The following GSAP variants were observed in gnomAD, a reference collection of about 807,000 sequenced individuals.
GSAP encodes the protein gamma-secretase-activating protein.
GSAP carries 118 observed loss-of-function variants against 131.7 expected under a neutral mutation model. That is an observed-to-expected ratio of 0.90 (90% confidence interval 0.77 to 1.04). The LOEUF (loss-of-function observed/expected upper bound fraction) is 1.04, where lower values mean the gene tolerates loss of function less well. Ranked by LOEUF, GSAP falls within the 50% of genes least tolerant of loss-of-function variation. The pLI is 0.00. For synonymous variants in GSAP, 381 were observed against 363.4 expected (o/e 1.05, Z -0.55); for missense variants, 1,019 against 1,013.2 (o/e 1.01, Z -0.08).
intron 12 of GSAP, among the ~76,000 whole-genome samples, chr7:77,368,471 C>A (rs1042588132): frequency 5.3e-5 from 8 of 152,134 alleles, no homozygotes; most frequent in African/African-American, 1.9e-4. Context: ...GGTTCTTAAC[C>A]CTGACAGCAC....
chr7:77,384,470 T>C (rs1282035563), intron 6 of GSAP, among the ~76,000 whole-genome samples: 1 of 152,206 alleles, frequency 6.6e-6, no homozygotes, highest in Non-Finnish European at 1.5e-5. Flanking sequence ...ATTTTTTTTG[T>C]ATTGTAAGTA....
chr7:77,328,474 A>G, intron 22 of GSAP, 132 bp downstream of exon 22: 1 of 1,426,462 alleles, frequency 7.0e-7, no homozygotes, highest in Non-Finnish European at 9.2e-7. Flanking sequence ...TAACAGCAAG[A>G]TATTAAAAGG....
chr7:77,349,539 C>A, intron 18 of GSAP, 135 bp from the exon 19 acceptor site: 1 of 659,824 alleles, frequency 1.5e-6, no homozygotes, highest in Non-Finnish European at 2.7e-6. Flanking sequence ...TTTAAATAAA[C>A]CTTGGAGGGC....
chr7:77,407,470 T>G (rs1008567030), intron 1 of GSAP, among the ~76,000 whole-genome samples: 1 of 152,216 alleles, frequency 6.6e-6, no homozygotes, highest in East Asian at 1.9e-4. Flanking sequence ...CATATTGGGT[T>G]GATATTTATC....
chr7:77,401,243 C>T (rs978254140), intron 3 of GSAP, among the ~76,000 whole-genome samples: 3 of 151,884 alleles, frequency 2.0e-5, no homozygotes, highest in African/African-American at 2.4e-5. Flanking sequence ...ATTCAATAAG[C>T]GGAGTAAACC....
intron 18 of GSAP, 100 bp downstream of exon 18, chr7:77,352,844 T>C (rs1397785085): frequency 7.4e-6 from 5 of 673,944 alleles, no homozygotes; most frequent in Non-Finnish European, 1.3e-5. Flanking sequence ...AAAACAGTAG[T>C]GAAATCACGA....
intron 12 of GSAP, among the ~76,000 whole-genome samples, chr7:77,372,265 G>A (rs1796240629): frequency 6.6e-6 from 1 of 152,206 alleles, no homozygotes; most frequent in South Asian, 2.1e-4. Flanking sequence ...GAAAGGCAGG[G>A]AGTAGGACAT....
chr7:77,382,506 C>T lies in GSAP; in HGVS notation c.526+68G>A, dbSNP rs1797947074. The T allele has an allele frequency of 1.8e-5, 15 of 825,134 alleles. No homozygotes were observed. In the Admixed American group the frequency reaches 2.7e-4, roughly 15 times the overall value. The allele number at this position is 825,134 out of a possible 1,614,324, so 51.1% of individuals were successfully genotyped here. ...CAGGTGGATATCTAGAAGATTCAAT[C>T]ATGTACCACACTAGGAGACGATATG... On this transcript the variant is annotated intron_variant, in intron 7 of 30. Transcript: ENST00000257626.
In GSAP at chr7:77,416,199, C is replaced by G. The variant is rs1407190988; in HGVS notation, c.109+14G>C. On this transcript the variant is annotated intron_variant, in intron 1 of 30. Transcript: ENST00000257626. ...TCCCCGCCCCCACCCCTCTCCGCAG[C>G]GCGCCTCCCGCACCTGCGCCGCCGC... 1.2e-5 allele frequency: 17 copies of G among 1,362,600 alleles called. No homozygotes were observed. The highest frequency in any genetic ancestry group is 1.5e-5 in the Non-Finnish European group (16 of 1,035,536). The allele number at this position is 1,362,600 out of a possible 1,614,324, so 84.4% of individuals were successfully genotyped here. A position where few individuals can be genotyped will look rare whatever the true frequency, so the allele number is the denominator to read the frequency against.
intron 22 of GSAP, among the ~76,000 whole-genome samples, chr7:77,327,867 T>C (rs1434713265): frequency 6.6e-6 from 1 of 152,118 alleles, no homozygotes; most frequent in Non-Finnish European, 1.5e-5. Flanking sequence ...TCCCCGCACC[T>C]ATGGATTATA....
At chr7:77,373,228 A>AAT (rs1796397011) in intron 12 of GSAP, among the ~76,000 whole-genome samples, 1 of 152,234 alleles carries the variant, frequency 6.6e-6, no homozygotes. Flanking sequence ...GCACTTATGT[A>AAT]ATGTCTAAAA....
At chr7:77,408,482 T>C (rs1802678895) in intron 1 of GSAP, among the ~76,000 whole-genome samples, 1 of 151,972 alleles carries the variant, frequency 6.6e-6, no homozygotes, top group South Asian at 2.1e-4. Flanking sequence ...ATGGATCACT[T>C]GAGGCCAGGA....
chr7:77,372,843 C>T lies in GSAP; in HGVS notation c.871+1227G>A, dbSNP rs183684324. Reference sequence around the variant, plus strand: ...ATAGCCTGGCCCCTGCCTGCCTCTCCAGCTTTCTCTCTCTCACTCACTCTA... The same window carrying T: ...ATAGCCTGGCCCCTGCCTGCCTCTCTAGCTTTCTCTCTCTCACTCACTCTA... On this transcript the variant is annotated intron_variant, in intron 12 of 30. Transcript: ENST00000257626. Among the ~76,000 whole-genome samples, 241 of 152,364 alleles carry T rather than the reference C, an allele frequency of 1.6e-3. 1 individual carries two copies. The highest frequency in any genetic ancestry group is 5.7e-3 in the African/African-American group (238 of 41,578).
chr7:77,374,041 A>G (rs1256244018), intron 12 of GSAP, 29 bp downstream of exon 12: 2 of 1,234,852 alleles, frequency 1.6e-6, no homozygotes, highest in Admixed American at 1.8e-5. Flanking sequence ...ATACGGTTGA[A>G]TAAATTGATA....
At chr7:77,334,580 T>TAAAA (rs57442782) in intron 19 of GSAP, among the ~76,000 whole-genome samples, 43 of 81,948 alleles carry the variant, frequency 5.2e-4, no homozygotes, top group African/African-American at 1.1e-3. Context: ...ACTTAAAATT[T>TAAAA]AAAAAAAAAA....
Position 77,375,112 on chromosome 7 carries a change from A to C in GSAP, c.742-11T>G, listed in dbSNP as rs1040435642. On this transcript the variant is annotated splice_polypyrimidine_tract_variant and intron_variant, in intron 10 of 30. Transcript: ENST00000257626. ...CAAGGGTACTTCAAACTGTCAAAAA[A>C]ATCAAAGAAAATGAACCCAAAATGA... is the stretch of plus-strand genomic sequence containing the variant. 3 of 1,537,414 alleles carry C rather than the reference A, an allele frequency of 2.0e-6. No homozygotes were observed. Among genetic ancestry groups the C allele is most frequent in the Non-Finnish European group, 2.7e-6 (3 of 1,118,444 alleles).
At chr7:77,331,872 G>C (rs949967709) in intron 19 of GSAP, 2 of 144,368 alleles carry the variant, frequency 1.4e-5, no homozygotes, top group Admixed American at 1.4e-4. Flanking sequence ...CACCCTTTGG[G>C]TCTTCTTTGT....
At chr7:77,340,511 C>T (rs1183495376) in intron 19 of GSAP, among the ~76,000 whole-genome samples, 1 of 152,174 alleles carries the variant, frequency 6.6e-6, no homozygotes, top group Non-Finnish European at 1.5e-5. Flanking sequence ...AATTTCAAAT[C>T]GGGTAGGCAG....
At chr7:77,337,603 A>T (rs1790221726) in intron 19 of GSAP, among the ~76,000 whole-genome samples, 1 of 152,136 alleles carries the variant, frequency 6.6e-6, no homozygotes, top group Admixed American at 6.5e-5. Flanking sequence ...TAACACCCTC[A>T]CATCTGAGTG....
Sources: allele counts gnomAD v4.1 joint callset (sites outside exome capture counted in the v4.1 genomes callset), GRCh38; gene constraint gnomAD v4.1.1; transcripts MANE v1.5; gene names NCBI Gene and HGNC (gene_info 2026-07-23, HGNC 2026-07-21).